Variants in RSF1 observed in about 807,000 individuals in gnomAD.
The protein encoded by RSF1 is remodeling and spacing factor 1.
Under a neutral mutation model 145.2 loss-of-function variants are expected in RSF1, and 13 were observed. The observed-to-expected ratio is 0.09, with a 90% CI of 0.06 to 0.14. The LOEUF (loss-of-function observed/expected upper bound fraction) is 0.14. RSF1 is among the 10% of genes least tolerant of loss of function. The pLI is 1.00. For synonymous variants in RSF1, 577 were observed against 592.6 expected, an observed-to-expected ratio of 0.97 and a Z score of 0.38; for missense variants, 1,517 against 1,718.2, an observed-to-expected ratio of 0.88 and a Z score of 2.07.
chr11:77,763,842 T>C (rs1284985479), intron 2 of RSF1: 2 of 152,008 alleles, frequency 1.3e-5, no homozygotes, highest in East Asian at 1.9e-4. Flanking sequence ...GGCATGTTTC[T>C]GTATCAGTGG....
chr11:77,672,321 G>T, intron 14 of RSF1, 91 bp from the exon 15 acceptor site: 2 of 997,942 alleles, frequency 2.0e-6, no homozygotes, highest in Non-Finnish European at 2.9e-6. Context: ...ACCAAGCAGA[G>T]TTCAGTCATA....
chr11:77,790,871 T>C (rs1487573870), intron 1 of RSF1, among the ~76,000 whole-genome samples: 1 of 152,102 alleles, frequency 6.6e-6, no homozygotes, highest in African/African-American at 2.4e-5. Context: ...CTTTGGAGGG[T>C]ATAGCCTCCT....
At chr11:77,735,100 C>T (rs998884183) in intron 4 of RSF1, 30 of 863,446 alleles carry the variant, frequency 3.5e-5, no homozygotes, top group East Asian at 5.3e-5. Flanking sequence ...GGCCTTGGGG[C>T]GGTCTGAGGG....
chr11:77,766,933 G>A (rs1817180810), intron 1 of RSF1, among the ~76,000 whole-genome samples: 1 of 152,158 alleles, frequency 6.6e-6, no homozygotes, highest in African/African-American at 2.4e-5. Context: ...CTAAGGTAGA[G>A]GTGGTACAGA....
chr11:77,739,000 G>C (rs1409630614), intron 4 of RSF1: 2 of 150,748 alleles, frequency 1.3e-5, no homozygotes, highest in Non-Finnish European at 2.9e-5. Context: ...TTTTTATCTT[G>C]AACTCCTCTC....
At chr11:77,705,034 A>G (rs1960513805) in intron 5 of RSF1, among the ~76,000 whole-genome samples, 1 of 152,168 alleles carries the variant, frequency 6.6e-6, no homozygotes, top group Non-Finnish European at 1.5e-5. Context: ...TACAGGTGTG[A>G]GCCACCATGC....
chr11:77,831,792 T>A, the RSF1 span: 1 of 151,894 alleles, frequency 6.6e-6, no homozygotes. Context: ...GCCTCCCAGT[T>A]TCAAGTGATT....
At chr11:77,793,272 G>A (rs987146144) in intron 1 of RSF1, among the ~76,000 whole-genome samples, 7 of 152,136 alleles carry the variant, frequency 4.6e-5, no homozygotes, top group Non-Finnish European at 1.0e-4. Flanking sequence ...TTTAGGTCAG[G>A]AGTTCGAAAC....
chr11:77,697,356 T>C (rs1443104776), intron 7 of RSF1, among the ~76,000 whole-genome samples: 2 of 151,182 alleles, frequency 1.3e-5, no homozygotes, highest in Non-Finnish European at 2.9e-5. Context: ...AAGTGAAATC[T>C]ATTCAAAAGA....
At chr11:77,764,529 A>C in intron 2 of RSF1, 69 bp downstream of exon 2, 1 of 907,074 alleles carries the variant, frequency 1.1e-6, no homozygotes, top group Non-Finnish European at 1.8e-6. Context: ...TGTATTATAA[A>C]ACATAATATC....
At chr11:77,671,845 G>T (rs1590821163) in intron 15 of RSF1, among the ~76,000 whole-genome samples, 197 bp downstream of exon 15, 1 of 152,058 alleles carries the variant, frequency 6.6e-6, no homozygotes, top group East Asian at 1.9e-4. Context: ...TGTTGGACAG[G>T]CTGGTCTTGA....
In RSF1 at chr11:77,662,203, C is replaced by T. The variant is rs900933541; in HGVS notation, c.*4714G>A. The T allele has an allele frequency of 1.3e-5, 2 of 151,934 alleles. No individual in the cohort carries two copies. Among genetic ancestry groups the T allele is most frequent in the Non-Finnish European group, 2.9e-5 (2 of 67,990 alleles). 9.4% of individuals were successfully genotyped at this position (151,934 alleles called of 1,614,324 possible). ...TTATATAACTTATGTATAGGATAGT[C>T]ATATTTTAAAGTTATTAAAATAAAC... On this transcript the variant is annotated 3_prime_UTR_variant, in exon 16 of 16. Transcript: ENST00000308488.
chr11:77,844,785 A>G, the RSF1 span, among the ~76,000 whole-genome samples: 1 of 152,156 alleles, frequency 6.6e-6, no homozygotes, highest in East Asian at 1.9e-4. Context: ...TGTCGTTATT[A>G]TTAATAATTT....
chr11:77,678,514 T>C (rs1959774390), intron 11 of RSF1, among the ~76,000 whole-genome samples: 1 of 152,078 alleles, frequency 6.6e-6, no homozygotes, highest in African/African-American at 2.4e-5. Context: ...CACCCAGCTG[T>C]CCTTTTATTT....
At chr11:77,858,175 T>A in the RSF1 span, among the ~76,000 whole-genome samples, 1 of 146,088 alleles carries the variant, frequency 6.8e-6, no homozygotes, top group South Asian at 2.1e-4. Context: ...TGTGCCACCA[T>A]GCCTGGCTAA....
At chr11:77,810,217 C>T (rs561201691) in intron 1 of RSF1, among the ~76,000 whole-genome samples, 1 of 152,204 alleles carries the variant, frequency 6.6e-6, no homozygotes, top group Non-Finnish European at 1.5e-5. Flanking sequence ...CCTAATCAGT[C>T]CACTTGGATA....
the RSF1 span, among the ~76,000 whole-genome samples, chr11:77,849,350 T>C: frequency 2.0e-5 from 3 of 152,126 alleles, no homozygotes; most frequent in Non-Finnish European, 4.4e-5. Flanking sequence ...GCCTCCTGAG[T>C]AGCTGGGATT....
chr11:77,746,831 C>G lies in RSF1; in HGVS notation c.372+205G>C, dbSNP rs1447974355. On this transcript the variant is annotated intron_variant, in intron 3 of 15. Coordinates refer to ENST00000308488, the MANE Select transcript of RSF1 (RefSeq NM_016578.4). ...CTGCTTGCCCATGTTATTACTGTCC[C>G]TACAAGAAGAGATAATTAAACCTAG... 2.0e-5 allele frequency among the ~76,000 whole-genome samples: 3 copies of G among 152,016 alleles called. No homozygotes were observed. In the East Asian group the frequency reaches 5.8e-4, roughly 29 times the overall value.
At chr11:77,850,410 GT>G in the RSF1 span, among the ~76,000 whole-genome samples, 7 of 152,070 alleles carry the variant, frequency 4.6e-5, no homozygotes, top group Admixed American at 1.3e-4. Flanking sequence ...CTTTCCTTCT[GT>G]TTTATACTGC....
Sources: gnomAD v4.1 joint callset for allele counts (sites outside exome capture counted in the v4.1 genomes callset) on GRCh38, gnomAD v4.1.1 for gene constraint, MANE v1.5 for transcripts, NCBI Gene and HGNC (gene_info 2026-07-23, HGNC 2026-07-21) for gene names.